Variants in SAMM50 observed in about 807,000 individuals in gnomAD.
SAMM50 encodes SAMM50 sorting and assembly machinery component, also known as sorting and assembly machinery component 50 homolog.
A neutral mutation model predicts 66.9 loss-of-function variants in SAMM50; 47 were observed. The observed-to-expected ratio is 0.70, with a 90% CI of 0.56 to 0.90. The LOEUF is 0.90. Ranked by LOEUF, SAMM50 falls within the 40% of genes least tolerant of loss-of-function variation. SAMM50 has a pLI of 0.00. For missense variants in SAMM50, 535 were observed against 595.3 expected (o/e 0.90, Z 1.05); for synonymous variants, 191 against 214.1 (o/e 0.89, Z 0.94).
intron 10 of SAMM50, among the ~76,000 whole-genome samples, chr22:43,979,838 C>T (rs888003570): frequency 1.3e-5 from 2 of 151,880 alleles, no homozygotes; most frequent in Non-Finnish European, 2.9e-5. Context: ...CATTGGCTCA[C>T]CCTGACTTTC....
At chr22:43,991,390 G>A (rs982430421) in intron 14 of SAMM50, among the ~76,000 whole-genome samples, 11 of 149,954 alleles carry the variant, frequency 7.3e-5, no homozygotes, top group African/African-American at 2.7e-4. Context: ...TGATCCCCCT[G>A]CCTCAGCCTC....
chr22:43,970,431 C>T (rs1364182836), intron 4 of SAMM50, among the ~76,000 whole-genome samples: 2 of 152,212 alleles, frequency 1.3e-5, no homozygotes, highest in African/African-American at 4.8e-5. Context: ...ACCGTGTCCT[C>T]ATTCCAGTAT....
intron 1 of SAMM50, among the ~76,000 whole-genome samples, chr22:43,959,018 C>CT (rs11337908): frequency 0.065 from 7,323 of 112,572 alleles, 258 homozygotes; most frequent in Middle Eastern, 0.078. Flanking sequence ...TTTCAGTTTT[C>CT]TTTTTTTTTT....
rs2146828110 is a variant in SAMM50 at position 43,990,301 on chromosome 22, A to G, written c.1259A>G (p.Glu420Gly). 1 of 1,614,158 alleles carries G rather than the reference A, an allele frequency of 6.2e-7. No individual in the cohort carries two copies. Among genetic ancestry groups the G allele is most frequent in the South Asian group, 1.1e-5 (1 of 91,078 alleles). The change falls in exon 14 of 15, where the codon GAG becomes GGG. Residue 420 changes from glutamate (E) to glycine (G), a missense_variant. Coordinates refer to ENST00000350028, the MANE Select transcript of SAMM50 (RefSeq NM_015380.5). ...GPKAHIRKLA[E>G]CIRWSYGAGI... Reference sequence around the variant, plus strand: ...AAAGCTCATATTCGTAAGCTGGCTGAGTGCATCCGCTGGTCGTACGGGGCC... The same window carrying G: ...AAAGCTCATATTCGTAAGCTGGCTGGGTGCATCCGCTGGTCGTACGGGGCC...
chr22:43,987,499 T>C (rs1307356267), intron 12 of SAMM50: 4 of 152,358 alleles, frequency 2.6e-5, no homozygotes, highest in Non-Finnish European at 5.9e-5. Context: ...GGTGGGGCAG[T>C]GGCTGCATGT....
At chr22:43,966,625 G>T (rs578125414) in intron 3 of SAMM50, among the ~76,000 whole-genome samples, 1 of 152,224 alleles carries the variant, frequency 6.6e-6, no homozygotes, top group South Asian at 2.1e-4. Flanking sequence ...CAGAGTGCTG[G>T]GATTACAGGT....
At chr22:43,988,969 GAGA>G (rs1465681073) in intron 12 of SAMM50, 139 bp from the exon 13 acceptor site, 4 of 679,124 alleles carry the variant, frequency 5.9e-6, no homozygotes, top group African/African-American at 5.4e-5. Flanking sequence ...TATCAGGAAT[GAGA>G]AGAACAGCTG....
intron 1 of SAMM50, 140 bp downstream of exon 1, chr22:43,955,738 G>A: frequency 1.1e-6 from 1 of 889,026 alleles, no homozygotes; most frequent in South Asian, 1.7e-5. Context: ...GGTGGAGGAG[G>A]CCGAAAAGAG....
At chr22:43,959,018 CTTTTTTT>C (rs11337908) in intron 1 of SAMM50, among the ~76,000 whole-genome samples, 16 of 112,660 alleles carry the variant, frequency 1.4e-4, no homozygotes, top group African/African-American at 5.6e-4. Flanking sequence ...TTTCAGTTTT[CTTTTTTT>C]TTTTTTTTTT....
At chr22:43,996,261 G>T in intron 14 of SAMM50, 77 bp from the exon 15 acceptor site, 1 of 1,509,112 alleles carries the variant, frequency 6.6e-7, no homozygotes, top group African/African-American at 1.4e-5. Flanking sequence ...CCTTCTGAGA[G>T]GCGCATGCTC....
In SAMM50 at chr22:43,996,342, T is replaced by A. The variant is rs1020031347; in HGVS notation, c.1369T>A (p.Cys457Ser). The A allele has an allele frequency of 2.5e-6, 4 of 1,613,956 alleles. No homozygotes were observed. The African/African-American group carries it at 4.0e-5, about 16-fold the overall frequency. ...PMGVQTGDRI[C>S]DGVQFGAGIR... is the part of the protein sequence containing the mutation. ...TGATCTCTCCCCTTTTTTTAGGATA[T>A]GTGATGGCGTCCAGTTTGGAGCTGG... Residue 457 changes from cysteine (C) to serine (S), a missense_variant, in exon 15 of 15, where the codon TGT becomes AGT. By Grantham distance (112) the Cys-to-Ser change is moderately radical. Transcript: ENST00000350028.
At chr22:43,985,311 A>T (rs2050286621) in intron 12 of SAMM50, among the ~76,000 whole-genome samples, 1 of 151,956 alleles carries the variant, frequency 6.6e-6, no homozygotes, top group African/African-American at 2.4e-5. Flanking sequence ...CCATTCCAGG[A>T]TCACACAAAG....
At chr22:43,977,617 A>G (rs1215450955) in intron 9 of SAMM50, among the ~76,000 whole-genome samples, 1 of 152,150 alleles carries the variant, frequency 6.6e-6, no homozygotes, top group Non-Finnish European at 1.5e-5. Context: ...GTGTTCAGAC[A>G]CTCAGGCTGC....
chr22:43,986,405 T>G (rs1303652766), intron 12 of SAMM50: 2 of 152,168 alleles, frequency 1.3e-5, no homozygotes, highest in Non-Finnish European at 2.9e-5. Context: ...TTATCGTACT[T>G]TCTGGGAAGG....
rs1377980274 is a variant in SAMM50, at chr22:43,983,242, A to G, written c.1008-691A>G. ...CCTTGGCTGCCTCTTGGCTGGAAAGATTACACAGAATTTCTCTTGTCATTT... is the reference window on the plus strand; with the variant it reads ...CCTTGGCTGCCTCTTGGCTGGAAAGGTTACACAGAATTTCTCTTGTCATTT... On this transcript the variant is annotated intron_variant, in intron 11 of 14. Transcript: ENST00000350028. The surrounding 1 kb of genome is among the most constrained non-coding windows in gnomAD (Gnocchi z 4.2). 8.5e-5 allele frequency among the ~76,000 whole-genome samples: 13 copies of G among 152,188 alleles called. No homozygotes were observed. Among genetic ancestry groups the G allele is most frequent in the Admixed American group, 8.5e-4 (13 of 15,278 alleles).
At chr22:43,973,780 T>C (rs908164862) in intron 7 of SAMM50, among the ~76,000 whole-genome samples, 1 of 152,060 alleles carries the variant, frequency 6.6e-6, no homozygotes, top group African/African-American at 2.4e-5. Flanking sequence ...CCAGCTAATT[T>C]TTGTTATTTT....
intron 1 of SAMM50, among the ~76,000 whole-genome samples, chr22:43,961,532 C>T (rs2050147106): frequency 6.6e-6 from 1 of 152,122 alleles, no homozygotes; most frequent in Non-Finnish European, 1.5e-5. Flanking sequence ...TCACTGCAAC[C>T]TCTGTCTCCT....
In SAMM50 at chr22:43,983,355, A is replaced by T. The variant is rs1048400543; in HGVS notation, c.1008-578A>T. On this transcript the variant is annotated intron_variant, in intron 11 of 14. Coordinates refer to ENST00000350028, the MANE Select transcript of SAMM50 (RefSeq NM_015380.5). The surrounding 1 kb of genome is among the most constrained non-coding windows in gnomAD (Gnocchi z 4.2). ...CAGAAAGTGGATGGGTTTTTATGTA[A>T]TTAATTTTTAATTCACGCTTTTCAT... Among the ~76,000 whole-genome samples the T allele has an allele frequency of 3.9e-5, 6 of 152,330 alleles. No individual in the cohort carries two copies. The highest frequency in any genetic ancestry group is 3.9e-4 in the Admixed American group (6 of 15,294).
At chr22:43,963,131 C>T (rs2050155724) in intron 1 of SAMM50, 155 bp from the exon 2 acceptor site, 3 of 497,670 alleles carry the variant, frequency 6.0e-6, no homozygotes, top group East Asian at 6.4e-5. Flanking sequence ...CTGACGGCAC[C>T]TTTTTACTCC....
Sources: gnomAD v4.1 joint callset for allele counts (sites outside exome capture counted in the v4.1 genomes callset) on GRCh38, gnomAD v4.1.1 for gene constraint, Gnocchi (gnomAD v3.1) non-coding constraint, MANE v1.5 for transcripts, NCBI Gene and HGNC (gene_info 2026-07-23, HGNC 2026-07-21) for gene names.